Variants in SIGLEC15 observed in about 807,000 individuals in gnomAD.
SIGLEC15 encodes the protein sialic acid binding Ig like lectin 15.
SIGLEC15 carries 31 observed loss-of-function variants against 26.2 expected under a neutral mutation model. The ratio of observed to expected loss-of-function variants is 1.18; its 90% CI spans 0.89 to 1.60. SIGLEC15 has a LOEUF of 1.60. Ranked by LOEUF, SIGLEC15 falls within the 40% of genes most tolerant of loss-of-function variation. The probability of loss-of-function intolerance (pLI) is 0.00; values close to 1 mark genes in which losing one functional copy is unlikely to be tolerated. For synonymous variants in SIGLEC15, 207 were observed against 221.9 expected (o/e 0.93, Z 0.60); for missense variants, 501 against 488.4 (o/e 1.03, Z -0.24).
In SIGLEC15 at chr18:45,836,412, C is replaced by T. The variant is rs1377240239; in HGVS notation, c.53-617C>T. On this transcript the variant is annotated intron_variant, in intron 1 of 5. Transcript: ENST00000389474. ...TTTTGTGAACTGCACCCTGGGGCAC[C>T]GGCTGGGCAGGCTTAGAAGCCTGCC... 4.3e-5 allele frequency among the ~76,000 whole-genome samples: 6 copies of T among 140,810 alleles called. No homozygotes were observed. In the East Asian group the frequency reaches 1.2e-3, roughly 27 times the overall value. The allele number at this position is 140,810 out of a possible 152,430, so 92.4% of individuals were successfully genotyped here.
At chr18:45,831,795 T>G (rs1599389795) in intron 1 of SIGLEC15, among the ~76,000 whole-genome samples, 1 of 151,192 alleles carries the variant, frequency 6.6e-6, no homozygotes, top group South Asian at 2.1e-4. Flanking sequence ...TGGAGTACAG[T>G]GGGGCAATCT....
In SIGLEC15 at chr18:45,843,804, A is replaced by T. The variant is rs2048344422; in HGVS notation, c.*1617A>T. On this transcript the variant is annotated 3_prime_UTR_variant, in exon 6 of 6. Transcript: ENST00000389474. The stretch of plus-strand genomic sequence containing the variant: ...TGAGGCAGAAGTATTGCTTGAACCC[A>T]GGAGGCAGAGGTTGCAGTGAGCTGA... The T allele has an allele frequency of 1.3e-5, 2 of 152,224 alleles. No homozygotes were observed. Among genetic ancestry groups the T allele is most frequent in the South Asian group, 4.1e-4 (2 of 4,830 alleles). 9.4% of individuals were successfully genotyped at this position (152,224 alleles called of 1,614,324 possible).
At chr18:45,840,283 C>G (rs774602373) in intron 5 of SIGLEC15, 42 bp downstream of exon 5, 3 of 1,592,058 alleles carry the variant, frequency 1.9e-6, no homozygotes, top group Non-Finnish European at 2.6e-6. Flanking sequence ...ACCCCACCCA[C>G]CTAGTCCTCA....
At chr18:45,841,522 C>T (rs1433693514) in intron 5 of SIGLEC15, among the ~76,000 whole-genome samples, 3 of 152,184 alleles carry the variant, frequency 2.0e-5, no homozygotes, top group African/African-American at 4.8e-5. Flanking sequence ...GGTTGCAGGC[C>T]GTTGGCAAGG....
chr18:45,835,246 C>G (rs2048267793), intron 1 of SIGLEC15, among the ~76,000 whole-genome samples: 1 of 152,038 alleles, frequency 6.6e-6, no homozygotes, highest in South Asian at 2.1e-4. Context: ...AGTAAGAGAC[C>G]CCATGGCCGG....
chr18:45,837,795 T>C lies in SIGLEC15; in HGVS notation c.395T>C (p.Leu132Pro), dbSNP rs1239622450. The C allele has an allele frequency of 6.6e-7, 1 of 1,524,446 alleles. No homozygotes were observed. The allele number at this position is 1,524,446 out of a possible 1,614,324, so 94.4% of individuals were successfully genotyped here. The part of the protein sequence containing the change: ...RNDLSLRVER[L>P]ALADDRRYFC... ...GACCTCTCGCTGCGCGTCGAGCGCCTCGCCCTGGCTGACGACCGCCGCTAC... is the reference window on the plus strand; with the variant it reads ...GACCTCTCGCTGCGCGTCGAGCGCCCCGCCCTGGCTGACGACCGCCGCTAC... The change falls in exon 3 of 6, where the codon CTC becomes CCC. Residue 132 changes from leucine to proline, a missense_variant. Transcript: ENST00000389474.
intron 1 of SIGLEC15, among the ~76,000 whole-genome samples, chr18:45,836,783 A>C (rs75123683): frequency 0.023 from 3,433 of 152,312 alleles, 125 homozygotes; most frequent in African/African-American, 0.078. Flanking sequence ...GCACCAACTC[A>C]ACGCATTAGC....
chr18:45,841,377 G>C (rs2145083801), intron 5 of SIGLEC15, among the ~76,000 whole-genome samples: 1 of 152,314 alleles, frequency 6.6e-6, no homozygotes, highest in South Asian at 2.1e-4. Context: ...GCCCAGAAAG[G>C]AGGCAGGCAT....
chr18:45,827,795 G>A (rs2048198037), intron 1 of SIGLEC15, among the ~76,000 whole-genome samples: 1 of 152,188 alleles, frequency 6.6e-6, no homozygotes, highest in Non-Finnish European at 1.5e-5. Context: ...TAGGTTTAGG[G>A]TGATTTCTTT....
intron 1 of SIGLEC15, among the ~76,000 whole-genome samples, chr18:45,827,793 G>A (rs1263630680): frequency 6.6e-6 from 1 of 152,180 alleles, no homozygotes; most frequent in African/African-American, 2.4e-5. Flanking sequence ...TTTAGGTTTA[G>A]GGTGATTTCT....
rs550510222 is a variant in SIGLEC15, at chr18:45,842,877, G to A, written c.*690G>A. 25 of 152,654 alleles carry A rather than the reference G, an allele frequency of 1.6e-4. No individual in the cohort carries two copies. The highest frequency in any genetic ancestry group is 6.0e-4 in the African/African-American group (25 of 41,584). The allele number at this position is 152,654 out of a possible 1,614,324, so 9.5% of individuals were successfully genotyped here. ...GAGAACACAGAGTTCCAGAGAGCAAGCCTGGGGCAGGGGCTGTGCAAACGT... is the reference window on the plus strand; with the variant it reads ...GAGAACACAGAGTTCCAGAGAGCAAACCTGGGGCAGGGGCTGTGCAAACGT... On this transcript the variant is annotated 3_prime_UTR_variant, in exon 6 of 6. Transcript: ENST00000389474.
chr18:45,838,164 T>C (rs1224609458), intron 3 of SIGLEC15, among the ~76,000 whole-genome samples: 1 of 152,202 alleles, frequency 6.6e-6, no homozygotes, highest in Non-Finnish European at 1.5e-5. Context: ...CTGTCCCCAG[T>C]GGCTCTCAGA....
Position 45,842,139 on chromosome 18 carries a change from G to C in SIGLEC15, c.939G>C (p.Leu313Phe). The C allele has an allele frequency of 6.2e-7, 1 of 1,614,148 alleles. No homozygotes were observed. Among genetic ancestry groups the C allele is most frequent in the Non-Finnish European group, 8.5e-7 (1 of 1,180,020 alleles). ...CCCAGGAGTCCAATTATGAAAATTT[G>C]AGCCAGATGAACCCCCGGAGCCCAC... ...SQAQESNYEN[L>F]SQMNPRSPPA... is the part of the protein sequence containing the mutation. The change falls in exon 6 of 6, where the codon TTG becomes TTC. Residue 313 changes from leucine (L) to phenylalanine (F), a missense_variant. By Grantham distance (22) the Leu-to-Phe change is conservative (BLOSUM62 0). Transcript: ENST00000389474.
chr18:45,828,873 C>T (rs781766933), intron 1 of SIGLEC15, among the ~76,000 whole-genome samples: 2 of 152,162 alleles, frequency 1.3e-5, no homozygotes, highest in Admixed American at 6.5e-5. Context: ...GGTGCTTATT[C>T]GGGACACAGG....
chr18:45,834,126 C>T (rs1028225032), intron 1 of SIGLEC15, among the ~76,000 whole-genome samples: 2 of 152,166 alleles, frequency 1.3e-5, no homozygotes, highest in African/African-American at 4.8e-5. Context: ...CAGTCCCCTC[C>T]CTTTCTCAAG....
chr18:45,842,078 T>C (rs1356045317), intron 5 of SIGLEC15, 28 bp from the exon 6 acceptor site: 1 of 1,610,702 alleles, frequency 6.2e-7, no homozygotes. Flanking sequence ...CCTGTTTGGA[T>C]GATCATTCAA....
chr18:45,831,132 C>A (rs906500845), intron 1 of SIGLEC15, among the ~76,000 whole-genome samples: 1 of 152,192 alleles, frequency 6.6e-6, no homozygotes, highest in African/African-American at 2.4e-5. Context: ...CTCTGAGGGG[C>A]ATGCCACCAA....
At chr18:45,836,917 C>A (rs548451781) in intron 1 of SIGLEC15, 112 bp from the exon 2 acceptor site, 3 of 686,316 alleles carry the variant, frequency 4.4e-6, no homozygotes, top group Non-Finnish European at 2.7e-6. Flanking sequence ...TAGAGTGAGG[C>A]GATCCTGAAC....
intron 2 of SIGLEC15, 23 bp downstream of exon 2, chr18:45,837,111 C>A: frequency 1.2e-6 from 2 of 1,612,346 alleles, no homozygotes; most frequent in Non-Finnish European, 1.7e-6. Flanking sequence ...ATTATTATCA[C>A]CATCTCGGGG....
Sources: allele counts gnomAD v4.1 joint callset (sites outside exome capture counted in the v4.1 genomes callset), GRCh38; gene constraint gnomAD v4.1.1; transcripts MANE v1.5; gene names NCBI Gene and HGNC (gene_info 2026-07-23, HGNC 2026-07-21).